Variants in ST3GAL3 observed in about 807,000 individuals in gnomAD.
ST3GAL3 encodes ST3 beta-galactoside alpha-2,3-sialyltransferase 3.
A neutral mutation model predicts 50.1 loss-of-function variants in ST3GAL3; 21 were observed. The observed-to-expected ratio is 0.42, with a 90% confidence interval of 0.30 to 0.60. The LOEUF (loss-of-function observed/expected upper bound fraction) is 0.60, where lower values mean the gene tolerates loss of function less well. Among genes scored for constraint, ST3GAL3 ranks in the 20% least tolerant of loss-of-function variants. The pLI, the probability that ST3GAL3 is intolerant of heterozygous loss-of-function variation, is 0.19. For synonymous variants in ST3GAL3, 183 were observed against 190.0 expected, an observed-to-expected ratio of 0.96 and a Z score of 0.30; for missense variants, 353 against 489.4, an observed-to-expected ratio of 0.72 and a Z score of 2.63.
intron 9 of ST3GAL3, chr1:43,920,114 A>G: frequency 4.3e-6 from 2 of 461,118 alleles, no homozygotes; most frequent in East Asian, 4.3e-5. Flanking sequence ...AGGCCACAGC[A>G]GCACACCCAC....
At chr1:43,834,110 G>A (rs1266611970) in intron 4 of ST3GAL3, among the ~76,000 whole-genome samples, 2 of 152,076 alleles carry the variant, frequency 1.3e-5, no homozygotes, top group African/African-American at 4.8e-5. Flanking sequence ...GCAGTGAGCC[G>A]AGATCATGCC....
Position 43,899,862 on chromosome 1 carries a change from C to T in ST3GAL3, c.744+135C>T. The T allele has an allele frequency of 1.1e-6, 1 of 895,854 alleles. No individual in the cohort carries two copies. The highest frequency in any genetic ancestry group is 1.8e-6 in the Non-Finnish European group (1 of 559,656). 55.5% of individuals were successfully genotyped at this position (895,854 alleles called of 1,614,324 possible). On this transcript the variant is annotated intron_variant, in intron 9 of 11. Transcript: ENST00000347631. This position sits in a 1 kb window ranked among gnomAD's most constrained non-coding sequence, Gnocchi z 5.4. The stretch of plus-strand genomic sequence containing the variant: ...AACATTAATGACCCAAAGCCGAAAT[C>T]ACCCAATGGCAACCAGGGGGCAAAG...
intron 1 of ST3GAL3, among the ~76,000 whole-genome samples, chr1:43,716,066 T>A (rs1023211600): frequency 2.6e-5 from 4 of 152,186 alleles, no homozygotes; most frequent in Non-Finnish European, 5.9e-5. Context: ...GGTAACAACA[T>A]AAGAATGGAA....
intron 3 of ST3GAL3, 128 bp downstream of exon 3, chr1:43,792,277 G>A: frequency 8.1e-7 from 1 of 1,230,694 alleles, no homozygotes; most frequent in South Asian, 1.2e-5. Flanking sequence ...GAAGTCTCAA[G>A]AAGCCTTTCT....
At chr1:43,901,601 A>C (rs916904207) in intron 9 of ST3GAL3, among the ~76,000 whole-genome samples, 7 of 152,270 alleles carry the variant, frequency 4.6e-5, no homozygotes, top group Non-Finnish European at 1.0e-4. Context: ...CTCAGGAAGC[A>C]GACAGCAGGG....
chr1:43,887,181 C>T (rs1366562771), intron 5 of ST3GAL3, among the ~76,000 whole-genome samples: 2 of 152,124 alleles, frequency 1.3e-5, no homozygotes, highest in African/African-American at 4.8e-5. Flanking sequence ...GAGGGCCCAG[C>T]GCCTCATAAA....
chr1:43,804,285 AG>A (rs1194278730), intron 3 of ST3GAL3, among the ~76,000 whole-genome samples: 1 of 152,242 alleles, frequency 6.6e-6, no homozygotes, highest in Non-Finnish European at 1.5e-5. Flanking sequence ...CAACCCCAGC[AG>A]TAGAGAAGCT....
intron 3 of ST3GAL3, among the ~76,000 whole-genome samples, chr1:43,797,052 G>T (rs572691037): frequency 1.3e-5 from 2 of 152,116 alleles, no homozygotes; most frequent in African/African-American, 4.8e-5. Context: ...GCCAGGCATG[G>T]TGGCACACAC....
intron 5 of ST3GAL3, chr1:43,838,586 C>T (rs775714366): frequency 4.9e-6 from 2 of 407,886 alleles, no homozygotes; most frequent in African/African-American, 4.1e-5. Context: ...GCCAGGTATC[C>T]AGAGGCAGCC....
At chr1:43,763,125 A>C (rs1395089918) in intron 2 of ST3GAL3, among the ~76,000 whole-genome samples, 1 of 152,160 alleles carries the variant, frequency 6.6e-6, no homozygotes, top group East Asian at 1.9e-4. Context: ...TTAATAGCAA[A>C]AATTTGGAAG....
chr1:43,717,201 C>T (rs999632043), intron 1 of ST3GAL3, among the ~76,000 whole-genome samples: 3 of 152,160 alleles, frequency 2.0e-5, no homozygotes, highest in Non-Finnish European at 4.4e-5. Context: ...CATAACTGCA[C>T]GAATCACCCT....
At position 43,899,443 on chromosome 1, in the gene ST3GAL3, G is replaced by A; in HGVS notation, c.558-98G>A. On this transcript the variant is annotated intron_variant, in intron 8 of 11. Coordinates refer to ENST00000347631, the MANE Select transcript of ST3GAL3 (RefSeq NM_006279.5). This position sits in a 1 kb window ranked among gnomAD's most constrained non-coding sequence, Gnocchi z 5.4. ...GGGCACCTGGGGAGAATAGGTCCAG[G>A]TGACCTGGACTCCCTATTCTCCATG... 1 of 1,582,904 alleles carries A rather than the reference G, an allele frequency of 6.3e-7. No individual in the cohort carries two copies. The highest frequency in any genetic ancestry group is 8.6e-7 in the Non-Finnish European group (1 of 1,164,050).
chr1:43,751,935 C>T (rs1686289652), intron 2 of ST3GAL3, among the ~76,000 whole-genome samples: 2 of 151,778 alleles, frequency 1.3e-5, no homozygotes, highest in South Asian at 2.1e-4. Flanking sequence ...TCTCCTGTCT[C>T]AGTTTCCTCA....
At chr1:43,862,668 G>C (rs2070289928) in intron 5 of ST3GAL3, among the ~76,000 whole-genome samples, 1 of 151,684 alleles carries the variant, frequency 6.6e-6, no homozygotes. Context: ...AACACTTTGG[G>C]AGGCTGAGGC....
chr1:43,848,557 G>A (rs1371431773), intron 5 of ST3GAL3, among the ~76,000 whole-genome samples: 4 of 151,798 alleles, frequency 2.6e-5, no homozygotes, highest in East Asian at 1.9e-4. Flanking sequence ...CACATGCCTC[G>A]GCCTCCCAAA....
chr1:43,807,759 G>C (rs1191704783), intron 3 of ST3GAL3, among the ~76,000 whole-genome samples: 2 of 152,188 alleles, frequency 1.3e-5, no homozygotes, highest in African/African-American at 4.8e-5. Context: ...GATCCATTTA[G>C]AACATGGAAT....
At chr1:43,736,735 G>C in intron 2 of ST3GAL3, 1 of 367,076 alleles carries the variant, frequency 2.7e-6, no homozygotes, top group Non-Finnish European at 5.2e-6. Context: ...ATTGCCTTAG[G>C]GATTAGTATT....
intron 3 of ST3GAL3, among the ~76,000 whole-genome samples, chr1:43,807,891 A>C (rs925241722): frequency 6.6e-6 from 1 of 152,182 alleles, no homozygotes; most frequent in African/African-American, 2.4e-5. Context: ...TGGGAAATCC[A>C]GAAAGAGGTT....
At chr1:43,718,548 A>T (rs1668640265) in intron 1 of ST3GAL3, among the ~76,000 whole-genome samples, 1 of 151,340 alleles carries the variant, frequency 6.6e-6, no homozygotes, top group Admixed American at 6.6e-5. Context: ...AAATAAAGAG[A>T]ACATTACATT....
Sources: allele counts gnomAD v4.1 joint callset (sites outside exome capture counted in the v4.1 genomes callset), GRCh38; gene constraint gnomAD v4.1.1; non-coding constraint Gnocchi (gnomAD v3.1); transcripts MANE v1.5; gene names NCBI Gene and HGNC (gene_info 2026-07-23, HGNC 2026-07-21).